Variants in ADAMTS19 observed in about 807,000 individuals in gnomAD.
ADAMTS19 encodes A disintegrin and metalloproteinase with thrombospondin motifs 19.
ADAMTS19 carries 93 observed loss-of-function variants against 153.3 expected under a neutral mutation model. The ratio of observed to expected loss-of-function variants is 0.61; its 90% CI spans 0.51 to 0.72. ADAMTS19 has a LOEUF of 0.72. ADAMTS19 is among the 30% of genes least tolerant of loss of function. The pLI, the probability that ADAMTS19 is intolerant of heterozygous loss-of-function variation, is 0.00. For missense variants in ADAMTS19, 1,482 were observed against 1,552.1 expected (o/e 0.95, Z 0.76); for synonymous variants, 600 against 556.6 (o/e 1.08, Z -1.10).
chr5:129,595,157 G>A (rs1175696973), intron 7 of ADAMTS19, among the ~76,000 whole-genome samples: 1 of 152,070 alleles, frequency 6.6e-6, no homozygotes, highest in Admixed American at 6.6e-5. Flanking sequence ...ATAGGCCTGT[G>A]GATACCAGGC....
Position 129,461,113 on chromosome 5 carries a change from G to A in ADAMTS19, c.103G>A (p.Ala35Thr). Reference sequence around the variant, plus strand: ...TGCCCCGCCCGCAGAGCTGCAGTTCGCCCCCGACCGCGAGGAGTGGGAAGT... The same window carrying A: ...TGCCCCGCCCGCAGAGCTGCAGTTCACCCCCGACCGCGAGGAGTGGGAAGT... ...SNGIVSELQFAPDREEWEVVF... is the reference protein window; with the variant it reads ...SNGIVSELQFTPDREEWEVVF... Residue 35 changes from alanine (A) to threonine (T), a missense_variant, in exon 2 of 23, where the codon GCC becomes ACC. Physicochemically the swap from Ala to Thr is moderately conservative, Grantham distance 58. This residue lies in a region of ADAMTS19 where 866 missense variants were observed against 827.7 expected (regional missense o/e 1.05). Coordinates refer to ENST00000274487, the MANE Select transcript of ADAMTS19 (RefSeq NM_133638.6). The surrounding 1 kb of genome is among the most constrained non-coding windows in gnomAD (Gnocchi z 4.6). 1.4e-6 allele frequency: 2 copies of A among 1,416,272 alleles called. No homozygotes were observed. The highest frequency in any genetic ancestry group is 1.8e-6 in the Non-Finnish European group (2 of 1,083,908). The allele number at this position is 1,416,272 out of a possible 1,614,324, so 87.7% of individuals were successfully genotyped here. A position where few individuals can be genotyped will look rare whatever the true frequency, so the allele number is the denominator to read the frequency against.
chr5:129,465,476 C>T (rs1749825542), intron 2 of ADAMTS19, among the ~76,000 whole-genome samples: 1 of 151,598 alleles, frequency 6.6e-6, no homozygotes, highest in Non-Finnish European at 1.5e-5. Flanking sequence ...GCCACCTTTT[C>T]CTACTTAAAT....
intron 8 of ADAMTS19, among the ~76,000 whole-genome samples, chr5:129,615,239 A>G (rs1751455446): frequency 6.6e-6 from 1 of 152,112 alleles, no homozygotes. Flanking sequence ...GACAACCCTA[A>G]GCCAAAAGAA....
chr5:129,547,656 C>T (rs1447559974), intron 6 of ADAMTS19, among the ~76,000 whole-genome samples: 1 of 150,478 alleles, frequency 6.6e-6, no homozygotes, highest in Non-Finnish European at 1.5e-5. Flanking sequence ...ACTTTCTTCA[C>T]AGAATTGGAA....
chr5:129,619,958 A>C (rs1348997820), intron 8 of ADAMTS19, among the ~76,000 whole-genome samples: 1 of 152,066 alleles, frequency 6.6e-6, no homozygotes, highest in African/African-American at 2.4e-5. Flanking sequence ...AAAATAGAAT[A>C]GAGGAGTAAG....
chr5:129,585,578 A>G lies in ADAMTS19; in HGVS notation c.1373-10981A>G, dbSNP rs550530585. 6.0e-4 allele frequency among the ~76,000 whole-genome samples: 91 copies of G among 152,168 alleles called. 1 individual carries two copies. The highest frequency in any genetic ancestry group is 1.5e-3 in the African/African-American group (62 of 41,514). Reference sequence around the variant, plus strand: ...TGAATTTGGGGAGATATTAACATTAATGTTTTATGTATTCAATATTTGTTT... The same window carrying G: ...TGAATTTGGGGAGATATTAACATTAGTGTTTTATGTATTCAATATTTGTTT... On this transcript the variant is annotated intron_variant, in intron 7 of 22. Transcript: ENST00000274487.
intron 21 of ADAMTS19, among the ~76,000 whole-genome samples, chr5:129,734,576 A>G (rs1757584896): frequency 6.6e-6 from 1 of 152,000 alleles, no homozygotes; most frequent in African/African-American, 2.4e-5. Flanking sequence ...TAATAAATCA[A>G]TTATTTGTTT....
chr5:129,684,387 G>A, intron 18 of ADAMTS19, 114 bp downstream of exon 18: 1 of 1,349,162 alleles, frequency 7.4e-7, no homozygotes, highest in South Asian at 1.5e-5. Flanking sequence ...TCCATAAAGA[G>A]TTAGAAATGG....
intron 7 of ADAMTS19, among the ~76,000 whole-genome samples, chr5:129,559,125 G>A (rs764458696): frequency 5.1e-4 from 78 of 152,016 alleles, no homozygotes; most frequent in Non-Finnish European, 9.7e-4. Flanking sequence ...ATTACTTTAT[G>A]TATCACTAAA....
In ADAMTS19 at chr5:129,460,358, G is replaced by T; in HGVS notation, c.-34G>T. 6 of 1,593,942 alleles carry T rather than the reference G, an allele frequency of 3.8e-6. No individual in the cohort carries two copies. The highest frequency in any genetic ancestry group is 4.3e-6 in the Non-Finnish European group (5 of 1,166,146). ...GGAGTGGATCGCGCTGGAGGCGTGC[G>T]CCGGGCGAGAAGCCGCGGCCGCGGG... On this transcript the variant is annotated 5_prime_UTR_variant, in exon 1 of 23. Coordinates refer to ENST00000274487, the MANE Select transcript of ADAMTS19 (RefSeq NM_133638.6).
At chr5:129,644,171 G>A (rs1752952461) in intron 11 of ADAMTS19, among the ~76,000 whole-genome samples, 1 of 152,026 alleles carries the variant, frequency 6.6e-6, no homozygotes, top group South Asian at 2.1e-4. Flanking sequence ...TCCTATAATT[G>A]TGTTAATGAT....
chr5:129,578,390 C>T (rs1749305035), intron 7 of ADAMTS19, among the ~76,000 whole-genome samples: 1 of 134,126 alleles, frequency 7.5e-6, no homozygotes, highest in Non-Finnish European at 1.6e-5. Flanking sequence ...GTACATATAC[C>T]TATATGCATG....
At chr5:129,700,125 T>C (rs1755763547) in intron 19 of ADAMTS19, among the ~76,000 whole-genome samples, 1 of 152,156 alleles carries the variant, frequency 6.6e-6, no homozygotes, top group Admixed American at 6.5e-5. Context: ...ATACCAAATT[T>C]TAAGAATCAC....
chr5:129,726,434 A>G (rs1156453380), intron 21 of ADAMTS19, among the ~76,000 whole-genome samples: 1 of 152,058 alleles, frequency 6.6e-6, no homozygotes, highest in Non-Finnish European at 1.5e-5. Flanking sequence ...TTTTAGTGGA[A>G]CTCTATAGTG....
rs1162897584 is a variant in ADAMTS19, at chr5:129,549,226, T to A, written c.1329-2638T>A. On this transcript the variant is annotated intron_variant, in intron 6 of 22. Transcript: ENST00000274487. ...AATAAAATAAAAAAAGAAATATAAC[T>A]TGGTAAATAGAAATCATAAATAATA... Among the ~76,000 whole-genome samples, 3 of 150,200 alleles carry A rather than the reference T, an allele frequency of 2.0e-5. No homozygotes were observed. In the East Asian group the frequency reaches 5.8e-4, roughly 29 times the overall value.
At chr5:129,680,883 A>C (rs890454935) in intron 17 of ADAMTS19, among the ~76,000 whole-genome samples, 4 of 152,168 alleles carry the variant, frequency 2.6e-5, no homozygotes, top group African/African-American at 9.7e-5. Context: ...TTTGACCTTG[A>C]TTATGGCAGT....
chr5:129,586,713 T>C (rs1749818207), intron 7 of ADAMTS19, among the ~76,000 whole-genome samples: 1 of 152,208 alleles, frequency 6.6e-6, no homozygotes, highest in Admixed American at 6.5e-5. Context: ...TGTTTAGTTT[T>C]ATAAGCAATT....
At chr5:129,653,516 A>C (rs1044590084) in intron 13 of ADAMTS19, among the ~76,000 whole-genome samples, 7 of 152,208 alleles carry the variant, frequency 4.6e-5, no homozygotes, top group African/African-American at 1.7e-4. Flanking sequence ...CTGCTTAGGA[A>C]TTATTTACCT....
chr5:129,479,398 G>A (rs1220811842), intron 2 of ADAMTS19, among the ~76,000 whole-genome samples: 1 of 152,022 alleles, frequency 6.6e-6, no homozygotes, highest in African/African-American at 2.4e-5. Context: ...TTTTAAGTAA[G>A]AAATTATCAC....
Sources: gnomAD v4.1 joint callset for allele counts (sites outside exome capture counted in the v4.1 genomes callset) on GRCh38, gnomAD v4.1.1 for gene constraint, gnomAD v4.1.1 regional missense constraint, Gnocchi (gnomAD v3.1) non-coding constraint, MANE v1.5 for transcripts, NCBI Gene and HGNC (gene_info 2026-07-23, HGNC 2026-07-21) for gene names.